Variants in HIBCH observed in about 807,000 individuals in gnomAD.
HIBCH encodes the protein 3-hydroxyisobutyryl-CoA hydrolase.
A neutral mutation model predicts 58.2 loss-of-function variants in HIBCH; 50 were observed. The observed-to-expected ratio is 0.86, with a 90% CI of 0.68 to 1.09. The LOEUF (loss-of-function observed/expected upper bound fraction) is 1.09. Ranked by LOEUF, HIBCH falls within the 50% of genes least tolerant of loss-of-function variation. The pLI, the probability that HIBCH is intolerant of heterozygous loss-of-function variation, is 0.00. For missense variants in HIBCH, 450 were observed against 449.7 expected, an observed-to-expected ratio of 1.00 and a Z score of -0.01; for synonymous variants, 151 against 146.9, an observed-to-expected ratio of 1.03 and a Z score of -0.20.
Position 190,254,086 on chromosome 2 carries a change from A to G in HIBCH, c.518-1779T>C, listed in dbSNP as rs769319943. On this transcript the variant is annotated intron_variant, in intron 7 of 13. Coordinates refer to ENST00000359678, the MANE Select transcript of HIBCH (RefSeq NM_014362.4). The surrounding 1 kb of genome is among the most constrained non-coding windows in gnomAD (Gnocchi z 5.0). ...TATATATACATTTTCCTTAACTCCT[A>G]TGACTTTAAATAATATCTATATGCT... 6.6e-6 allele frequency among the ~76,000 whole-genome samples: 1 copy of G among 151,920 alleles called. No homozygotes were observed. The highest frequency in any genetic ancestry group is 2.4e-5 in the African/African-American group (1 of 41,342).
At chr2:190,288,368 T>C (rs1278729150) in intron 5 of HIBCH, among the ~76,000 whole-genome samples, 1 of 151,234 alleles carries the variant, frequency 6.6e-6, no homozygotes, top group African/African-American at 2.4e-5. Flanking sequence ...AAAAAAGACA[T>C]GTAGAAAAAG....
intron 7 of HIBCH, among the ~76,000 whole-genome samples, chr2:190,253,756 C>A (rs1221487399): frequency 6.6e-6 from 1 of 152,168 alleles, no homozygotes; most frequent in Non-Finnish European, 1.5e-5. Flanking sequence ...GTCTTCAAGG[C>A]CCCTTACCAC....
rs1291903977 is a variant in HIBCH, at chr2:190,207,373, A to T, written c.1045+1507T>A. ...CACATGCAGCAAGAATTTGCAGAGA[A>T]TTTGTGAGGAAAATGCCTATGTTAC... On this transcript the variant is annotated intron_variant, in intron 13 of 13. Coordinates refer to ENST00000359678, the MANE Select transcript of HIBCH (RefSeq NM_014362.4). This position sits in a 1 kb window ranked among gnomAD's most constrained non-coding sequence, Gnocchi z 4.5. Among the ~76,000 whole-genome samples, 7 of 152,200 alleles carry T rather than the reference A, an allele frequency of 4.6e-5. No individual in the cohort carries two copies. Among genetic ancestry groups the T allele is most frequent in the African/African-American group, 1.7e-4 (7 of 41,454 alleles).
rs1353671831 is a variant in HIBCH, at chr2:190,279,098, C to A, written c.438+8488G>T. 6.6e-6 allele frequency among the ~76,000 whole-genome samples: 1 copy of A among 152,154 alleles called. No individual in the cohort carries two copies. The highest frequency in any genetic ancestry group is 1.5e-5 in the Non-Finnish European group (1 of 68,032). On this transcript the variant is annotated intron_variant, in intron 6 of 13. Coordinates refer to ENST00000359678, the MANE Select transcript of HIBCH (RefSeq NM_014362.4). This position sits in a 1 kb window ranked among gnomAD's most constrained non-coding sequence, Gnocchi z 4.2. ...GAGGGCCTTCTTGCTGGTGGGGACT[C>A]TCTGCAGAGCCCTGATCTGGTGAAG...
At chr2:190,293,739 C>A (rs1307140196) in intron 4 of HIBCH, among the ~76,000 whole-genome samples, 1 of 151,442 alleles carries the variant, frequency 6.6e-6, no homozygotes, top group South Asian at 2.1e-4. Context: ...AAGAAAAAAA[C>A]CATCCCTGAA....
chr2:190,266,634 A>T (rs959424349), intron 6 of HIBCH, among the ~76,000 whole-genome samples: 2 of 152,028 alleles, frequency 1.3e-5, no homozygotes, highest in Non-Finnish European at 2.9e-5. Context: ...GGATTTCACC[A>T]TGTTGGCCAG....
At chr2:190,258,326 A>G (rs1388351189) in intron 7 of HIBCH, among the ~76,000 whole-genome samples, 1 of 152,182 alleles carries the variant, frequency 6.6e-6, no homozygotes, top group African/African-American at 2.4e-5. Context: ...TTCTTCATAA[A>G]TTACCCAGTC....
intron 11 of HIBCH, among the ~76,000 whole-genome samples, chr2:190,230,571 T>C (rs1173077786): frequency 6.6e-6 from 1 of 152,180 alleles, no homozygotes; most frequent in Non-Finnish European, 1.5e-5. Context: ...GGCGCGTGCC[T>C]ATATTCCCAG....
chr2:190,312,696 ATTTG>A (rs1332752655), intron 1 of HIBCH, among the ~76,000 whole-genome samples: 2 of 152,224 alleles, frequency 1.3e-5, no homozygotes, highest in Non-Finnish European at 2.9e-5. Flanking sequence ...GAAACAACCT[ATTTG>A]TTTAAGTCAG....
At chr2:190,221,102 AACAC>A in intron 11 of HIBCH, among the ~76,000 whole-genome samples, 1 of 147,484 alleles carries the variant, frequency 6.8e-6, no homozygotes, top group African/African-American at 2.4e-5. Flanking sequence ...TACACACACA[AACAC>A]ACACAAATAG....
chr2:190,289,973 G>A (rs1279092223), intron 5 of HIBCH, among the ~76,000 whole-genome samples: 1 of 152,172 alleles, frequency 6.6e-6, no homozygotes, highest in African/African-American at 2.4e-5. Flanking sequence ...CACCTCCCAG[G>A]TTCAAGCTGA....
At chr2:190,264,730 A>G (rs1260610424) in intron 6 of HIBCH, among the ~76,000 whole-genome samples, 1 of 152,208 alleles carries the variant, frequency 6.6e-6, no homozygotes, top group Non-Finnish European at 1.5e-5. Flanking sequence ...TATTTCAAGT[A>G]ACAATTCAGT....
At chr2:190,310,435 TC>T (rs1688528115) in intron 2 of HIBCH, among the ~76,000 whole-genome samples, 1 of 152,206 alleles carries the variant, frequency 6.6e-6, no homozygotes, top group African/African-American at 2.4e-5. Flanking sequence ...TTATAAGCAC[TC>T]TAAGGTAGAT....
At chr2:190,221,742 T>C (rs771637513) in intron 11 of HIBCH, among the ~76,000 whole-genome samples, 2 of 151,928 alleles carry the variant, frequency 1.3e-5, no homozygotes, top group Admixed American at 6.6e-5. Context: ...GGAGGAGAAG[T>C]AGCAAGACGA....
rs914778278 is a variant in HIBCH, at chr2:190,216,708, C to T, written c.892-3633G>A. ...AAAAAACTTAAAAACCCAATAGAGGCAAAAGAGGATGCCAGTTTGCAATCC... is the reference window on the plus strand; with the variant it reads ...AAAAAACTTAAAAACCCAATAGAGGTAAAAGAGGATGCCAGTTTGCAATCC... On this transcript the variant is annotated intron_variant, in intron 11 of 13. Transcript: ENST00000359678. This position sits in a 1 kb window ranked among gnomAD's most constrained non-coding sequence, Gnocchi z 4.2. Among the ~76,000 whole-genome samples, 4 of 152,186 alleles carry T rather than the reference C, an allele frequency of 2.6e-5. No individual in the cohort carries two copies. The East Asian group carries it at 7.7e-4, about 29-fold the overall frequency.
intron 8 of HIBCH, among the ~76,000 whole-genome samples, chr2:190,251,163 G>A (rs886218125): frequency 2.0e-5 from 3 of 152,130 alleles, no homozygotes; most frequent in Non-Finnish European, 2.9e-5. Context: ...TAAATTTTGA[G>A]TGTTTACTAT....
chr2:190,296,984 A>C (rs760101999), intron 2 of HIBCH, 31 bp from the exon 3 acceptor site: 4 of 1,610,710 alleles, frequency 2.5e-6, no homozygotes, highest in Non-Finnish European at 3.4e-6. Context: ...TTTATGACAA[A>C]ATTTCTTAAG....
At chr2:190,312,829 T>C (rs945695081) in intron 1 of HIBCH, among the ~76,000 whole-genome samples, 1 of 152,206 alleles carries the variant, frequency 6.6e-6, no homozygotes, top group African/African-American at 2.4e-5. Context: ...CTGGGCATGG[T>C]GACTCATGCC....
Position 190,282,414 on chromosome 2 carries a change from T to C in HIBCH, c.438+5172A>G, listed in dbSNP as rs1279010970. Among the ~76,000 whole-genome samples, 3 of 152,146 alleles carry C rather than the reference T, an allele frequency of 2.0e-5. No individual in the cohort carries two copies. In the East Asian group the frequency reaches 5.8e-4, roughly 29 times the overall value. ...AAACATGGCAGAGAAATAGAAGAGG[T>C]ACCAGGCACATGTAAAAAGCCCAAA... On this transcript the variant is annotated intron_variant, in intron 6 of 13. Transcript: ENST00000359678.
Sources: allele counts gnomAD v4.1 joint callset (sites outside exome capture counted in the v4.1 genomes callset), GRCh38; gene constraint gnomAD v4.1.1; non-coding constraint Gnocchi (gnomAD v3.1); transcripts MANE v1.5; gene names NCBI Gene and HGNC (gene_info 2026-07-23, HGNC 2026-07-21).